Variants in TSHR observed in about 807,000 individuals in gnomAD.
TSHR encodes thyroid stimulating hormone receptor, also known as thyrotropin receptor.
In TSHR, 51 loss-of-function variants were observed where a neutral mutation model predicts 64.1. That is an observed-to-expected ratio of 0.80 (90% CI 0.64 to 1.01). The LOEUF is 1.01. Among genes scored for constraint, TSHR ranks in the 50% least tolerant of loss-of-function variants. The pLI, the probability that TSHR is intolerant of heterozygous loss-of-function variation, is 0.00. For synonymous variants in TSHR, 361 were observed against 361.9 expected, an observed-to-expected ratio of 1.00 and a Z score of 0.03; for missense variants, 877 against 942.8, an observed-to-expected ratio of 0.93 and a Z score of 0.91.
At chr14:80,962,177 T>C (rs1420409843) in intron 1 of TSHR, among the ~76,000 whole-genome samples, 3 of 152,232 alleles carry the variant, frequency 2.0e-5, no homozygotes, top group Non-Finnish European at 4.4e-5. Flanking sequence ...AATGAGTTAA[T>C]ACTGTCAACA....
In TSHR at chr14:81,144,333, T is replaced by C. The variant is rs1332937556; in HGVS notation, c.2275T>C (p.Tyr759His). ...PKKQGQISEE[Y>H]MQTVL ...GAAGCAAGGCCAAATCTCAGAAGAG[T>C]ATATGCAAACGGTTTTGTAAGTTAA... is the stretch of plus-strand genomic sequence containing the variant. Residue 759 changes from tyrosine (Y) to histidine (H), a missense_variant, in exon 10 of 10, where the codon TAT becomes CAT. Tyr to His is a moderately conservative substitution (Grantham distance 83). Transcript: ENST00000298171. The C allele has an allele frequency of 1.9e-6, 3 of 1,614,038 alleles. No homozygotes were observed. Among genetic ancestry groups the C allele is most frequent in the South Asian group, 1.1e-5 (1 of 91,074 alleles).
intron 8 of TSHR, among the ~76,000 whole-genome samples, chr14:81,128,641 C>T (rs372537081): frequency 6.6e-6 from 1 of 152,280 alleles, no homozygotes; most frequent in East Asian, 1.9e-4. Context: ...TATTTCTTTC[C>T]TCCTCATGGT....
chr14:81,103,788 A>G lies in TSHR; in HGVS notation c.615-4587A>G, dbSNP rs2140017677. The stretch of plus-strand genomic sequence containing the variant: ...CTTTCCACGCAATCTGCGTGGGGAT[A>G]TGTTGCTTCTCACAGAATGTCTGAT... On this transcript the variant is annotated intron_variant, in intron 7 of 9. Transcript: ENST00000298171. This position sits in a 1 kb window ranked among gnomAD's most constrained non-coding sequence, Gnocchi z 4.1. 1.0e-6 allele frequency: 1 copy of G among 985,478 alleles called. No individual in the cohort carries two copies. Among genetic ancestry groups the G allele is most frequent in the South Asian group, 4.7e-5 (1 of 21,290 alleles). 61.0% of individuals were successfully genotyped at this position (985,478 alleles called of 1,614,324 possible). A position where few individuals can be genotyped will look rare whatever the true frequency, so the allele number is the denominator to read the frequency against.
At position 81,103,264 on chromosome 14, in the gene TSHR, G is replaced by A. The variant is rs1311905081; in HGVS notation, c.615-5111G>A. The A allele has an allele frequency of 2.0e-6, 2 of 985,210 alleles. No individual in the cohort carries two copies. The highest frequency in any genetic ancestry group is 1.1e-4 in the East Asian group (1 of 8,832). The allele number at this position is 985,210 out of a possible 1,614,324, so 61.0% of individuals were successfully genotyped here. A position where few individuals can be genotyped will look rare whatever the true frequency, so the allele number is the denominator to read the frequency against. On this transcript the variant is annotated intron_variant, in intron 7 of 9. Coordinates refer to ENST00000298171, the MANE Select transcript of TSHR (RefSeq NM_000369.5). The surrounding 1 kb of genome is among the most constrained non-coding windows in gnomAD (Gnocchi z 4.1). ...ATGCTAATTAAGATTTTAAACTAAGGCAAACACATCAATCTCCTGTAATTA... is the reference window on the plus strand; with the variant it reads ...ATGCTAATTAAGATTTTAAACTAAGACAAACACATCAATCTCCTGTAATTA...
chr14:80,994,963 A>G (rs899764169), intron 1 of TSHR: 1 of 152,254 alleles, frequency 6.6e-6, no homozygotes, highest in South Asian at 2.1e-4. Flanking sequence ...GGCAACCTAC[A>G]GAATGGGAGA....
At chr14:81,093,501 T>G (rs1253168373) in intron 6 of TSHR, 2 of 152,278 alleles carry the variant, frequency 1.3e-5, no homozygotes, top group East Asian at 1.9e-4. Context: ...GTCTGGATTG[T>G]CACCCCAGTT....
rs113468963 is a variant in TSHR, at chr14:81,009,854, T to C, written c.171-52294T>C. The stretch of plus-strand genomic sequence containing the variant: ...TAGACTGAACATCCTTGTGTATTCT[T>C]GTGTACGTCAACTGTGCCAGTTGTG... On this transcript the variant is annotated intron_variant, in intron 1 of 9. Transcript: ENST00000298171. 4.7e-3 allele frequency among the ~76,000 whole-genome samples: 721 copies of C among 152,212 alleles called. 6 individuals carry two copies. Among genetic ancestry groups the C allele is most frequent in the African/African-American group, 0.015 (615 of 41,532 alleles).
intron 8 of TSHR, among the ~76,000 whole-genome samples, chr14:81,128,626 C>T (rs1243626428): frequency 6.6e-6 from 1 of 152,072 alleles, no homozygotes; most frequent in African/African-American, 2.4e-5. Flanking sequence ...TCTCATCCTA[C>T]CTCCTATTTC....
chr14:81,087,286 A>T (rs1298149632), intron 3 of TSHR, among the ~76,000 whole-genome samples: 1 of 152,236 alleles, frequency 6.6e-6, no homozygotes, highest in Non-Finnish European at 1.5e-5. Flanking sequence ...GTTTAATTTA[A>T]CCAGTGAGAG....
At chr14:81,141,936 T>A (rs1006247213) in intron 9 of TSHR, among the ~76,000 whole-genome samples, 4 of 152,304 alleles carry the variant, frequency 2.6e-5, no homozygotes, top group African/African-American at 7.2e-5. Context: ...CTTAAAAAGA[T>A]AAATTCATTG....
chr14:81,105,992 G>A (rs1889868322), intron 7 of TSHR, among the ~76,000 whole-genome samples: 2 of 151,982 alleles, frequency 1.3e-5, no homozygotes, highest in Admixed American at 6.6e-5. Context: ...CCCACTCTGG[G>A]TGTCACTGAC....
At chr14:81,094,805 G>A (rs965642826) in intron 6 of TSHR, among the ~76,000 whole-genome samples, 5 of 146,042 alleles carry the variant, frequency 3.4e-5, no homozygotes, top group Non-Finnish European at 5.9e-5. Context: ...TCCTGCCTCA[G>A]CCTCCCGAAT....
chr14:80,977,737 C>T (rs1257943901), intron 1 of TSHR, among the ~76,000 whole-genome samples: 1 of 152,156 alleles, frequency 6.6e-6, no homozygotes, highest in Non-Finnish European at 1.5e-5. Context: ...CTGCTCAGGC[C>T]CTATTCCAAG....
chr14:80,963,667 G>T (rs1887154626), intron 1 of TSHR, among the ~76,000 whole-genome samples: 1 of 152,302 alleles, frequency 6.6e-6, no homozygotes, highest in South Asian at 2.1e-4. Context: ...AGTCTTATTT[G>T]TTCAAATTCA....
intron 8 of TSHR, among the ~76,000 whole-genome samples, chr14:81,129,758 C>A (rs1390614501): frequency 6.6e-6 from 1 of 152,172 alleles, no homozygotes; most frequent in Non-Finnish European, 1.5e-5. Flanking sequence ...TGTCTATGCC[C>A]ACATCCTTTC....
chr14:81,037,448 A>AAAAAAAAAC lies in TSHR; in HGVS notation c.171-24698_171-24697insAAAAAACAA, dbSNP rs1273226258. Among the ~76,000 whole-genome samples the AAAAAAAAAC allele has an allele frequency of 1.5e-4, 19 of 128,488 alleles. 2 individuals are homozygous for AAAAAAAAAC. The highest frequency in any genetic ancestry group is 2.4e-4 in the Non-Finnish European group (13 of 54,358). The allele number at this position is 128,488 out of a possible 152,430, so 84.3% of individuals were successfully genotyped here. A position where few individuals can be genotyped will look rare whatever the true frequency, so the allele number is the denominator to read the frequency against. On this transcript the variant is annotated intron_variant, in intron 1 of 9. Transcript: ENST00000298171. ...ACAAACAAACAAACAAACAAACAAA[A>AAAAAAAAAC]AACAGAAAATGATCTAACAAAATGT... is the stretch of plus-strand genomic sequence containing the variant.
rs370450995 is a variant in TSHR, at chr14:81,143,890, C to T, written c.1832C>T (p.Pro611Leu). ...AAGATCTACATCACAGTCCGAAATC[C>T]GCAGTACAACCCAGGGGACAAAGAT... ...YVKIYITVRN[P>L]QYNPGDKDTK... is the part of the protein sequence containing the mutation. Residue 611 changes from proline to leucine, a missense_variant, in exon 10 of 10, where the codon CCG becomes CTG. Coordinates refer to ENST00000298171, the MANE Select transcript of TSHR (RefSeq NM_000369.5). 1.2e-6 allele frequency: 2 copies of T among 1,614,076 alleles called. No homozygotes were observed. The highest frequency in any genetic ancestry group is 8.5e-7 in the Non-Finnish European group (1 of 1,180,022).
chr14:81,035,734 G>A, intron 1 of TSHR, among the ~76,000 whole-genome samples: 1 of 152,188 alleles, frequency 6.6e-6, no homozygotes, highest in South Asian at 2.1e-4. Context: ...TTCTTTGTTT[G>A]ATGCTGGGGG....
intron 1 of TSHR, chr14:80,982,320 C>T: frequency 8.8e-7 from 1 of 1,138,904 alleles, no homozygotes; most frequent in Non-Finnish European, 1.2e-6. Flanking sequence ...ATGCCTGGGT[C>T]TGGGCTGAGG....
Sources: allele counts gnomAD v4.1 joint callset (sites outside exome capture counted in the v4.1 genomes callset), GRCh38; gene constraint gnomAD v4.1.1; non-coding constraint Gnocchi (gnomAD v3.1); transcripts MANE v1.5; gene names NCBI Gene and HGNC (gene_info 2026-07-23, HGNC 2026-07-21).